Variants in ACSM2B observed in about 807,000 individuals in gnomAD.
ACSM2B encodes acyl-coenzyme A synthetase ACSM2B, mitochondrial.
ACSM2B carries 58 observed loss-of-function variants against 78.6 expected under a neutral mutation model. The observed-to-expected ratio is 0.74, with a 90% confidence interval of 0.60 to 0.92. The LOEUF (loss-of-function observed/expected upper bound fraction) is 0.92. Among genes scored for constraint, ACSM2B ranks in the 40% least tolerant of loss-of-function variants. ACSM2B has a pLI of 0.00. For synonymous variants in ACSM2B, 257 were observed against 256.8 expected, an observed-to-expected ratio of 1.00 and a Z score of -0.01; for missense variants, 688 against 711.2, an observed-to-expected ratio of 0.97 and a Z score of 0.37.
rs759263122 is a variant in ACSM2B, at chr16:20,543,091, G to C, written c.1409+44C>G. The C allele has an allele frequency of 5.6e-6, 9 of 1,613,608 alleles. No individual in the cohort carries two copies. The East Asian group carries it at 8.9e-5, about 16-fold the overall frequency. ...TTCCGGAAGTCTGGAACCAGCCAGA[G>C]TAAAGACCCAGATTTCCCTTCCCAA... On this transcript the variant is annotated intron_variant, in intron 11 of 13. Transcript: ENST00000329697.
intron 2 of ACSM2B, among the ~76,000 whole-genome samples, chr16:20,563,138 A>G (rs1240373426): frequency 5.3e-5 from 8 of 152,170 alleles, no homozygotes; most frequent in Non-Finnish European, 1.0e-4. Context: ...TGTGATAATT[A>G]AACTAATTTT....
rs139877098 is a variant in ACSM2B, at chr16:20,556,508, A to T, written c.389-1032T>A. ...TCCCAGCTACTCAGGAGGCTGACGC[A>T]GGAGGATTGCTTGAACCTGGGAGGC... On this transcript the variant is annotated intron_variant, in intron 3 of 13. Coordinates refer to ENST00000329697, the MANE Select transcript of ACSM2B (RefSeq NM_001105069.2). Among the ~76,000 whole-genome samples the T allele has an allele frequency of 9.5e-3, 1,443 of 152,332 alleles. 14 individuals are homozygous for T. Among genetic ancestry groups the T allele is most frequent in the South Asian group, 0.019 (90 of 4,826 alleles).
Position 20,540,723 on chromosome 16 carries a change from T to C in ACSM2B, c.1560A>G (p.Pro520=). 4 of 1,614,144 alleles carry C rather than the reference T, an allele frequency of 2.5e-6. No homozygotes were observed. The highest frequency in any genetic ancestry group is 3.4e-6 in the Non-Finnish European group (4 of 1,180,006). ...GCTGCAGCTCCTTGGTGAGCTGTTC[T>C]GGGTCATGGGATAGGAACTGCGAGG... ...ILASQFLSHD[P]EQLTKELQQH... The change falls in exon 13 of 14, where the codon CCA becomes CCG. Residue 520 remains proline, a synonymous_variant. Transcript: ENST00000329697.
intron 1 of ACSM2B, among the ~76,000 whole-genome samples, chr16:20,565,296 A>G (rs1038971971): frequency 9.9e-5 from 15 of 152,158 alleles, no homozygotes; most frequent in African/African-American, 3.1e-4. Context: ...CTCAAGAGAT[A>G]TGCTTTGGTC....
At chr16:20,567,419 T>C (rs1266113416) in intron 1 of ACSM2B, among the ~76,000 whole-genome samples, 1 of 118,890 alleles carries the variant, frequency 8.4e-6, no homozygotes, top group Non-Finnish European at 1.6e-5. Flanking sequence ...TAATATATAA[T>C]ATAGTATATT....
chr16:20,547,991 G>T (rs1287158860), intron 8 of ACSM2B, 71 bp downstream of exon 8: 22 of 1,598,026 alleles, frequency 1.4e-5, no homozygotes, highest in Admixed American at 1.2e-4. Context: ...TGGCTAACAT[G>T]TTTTATTGTC....
chr16:20,570,690 CT>C (rs1255017444), intron 1 of ACSM2B, among the ~76,000 whole-genome samples: 1 of 151,112 alleles, frequency 6.6e-6, no homozygotes. Flanking sequence ...CTGGTCATGG[CT>C]TTTTTGTTGT....
At chr16:20,553,072 C>G (rs2015368497) in intron 5 of ACSM2B, among the ~76,000 whole-genome samples, 1 of 152,150 alleles carries the variant, frequency 6.6e-6, no homozygotes, top group Non-Finnish European at 1.5e-5. Flanking sequence ...TTTACTGCAG[C>G]TCTTCTATTG....
chr16:20,572,857 A>T (rs1255026988), intron 1 of ACSM2B, among the ~76,000 whole-genome samples: 5 of 151,634 alleles, frequency 3.3e-5, no homozygotes, highest in African/African-American at 1.2e-4. Context: ...CTGCTTGTTC[A>T]ATTCTATTGT....
chr16:20,561,902 C>T (rs1421686484), intron 2 of ACSM2B, among the ~76,000 whole-genome samples: 7 of 127,310 alleles, frequency 5.5e-5, no homozygotes, highest in African/African-American at 2.1e-4. Context: ...TGTGATGTTC[C>T]CCTTCCTGTG....
chr16:20,542,789 G>A (rs2015032361), intron 12 of ACSM2B, 125 bp downstream of exon 12: 1 of 1,276,622 alleles, frequency 7.8e-7, no homozygotes, highest in Non-Finnish European at 1.1e-6. Context: ...CACATAGCTA[G>A]TAAGTGGCAG....
chr16:20,561,740 T>A (rs1235722763), intron 2 of ACSM2B, among the ~76,000 whole-genome samples: 1 of 151,920 alleles, frequency 6.6e-6, no homozygotes, highest in Non-Finnish European at 1.5e-5. Flanking sequence ...ATACTTTAAG[T>A]TTCAGGGTAC....
chr16:20,560,497 T>A (rs1244120486), intron 2 of ACSM2B, among the ~76,000 whole-genome samples: 1 of 152,056 alleles, frequency 6.6e-6, no homozygotes, highest in African/African-American at 2.4e-5. Context: ...CCAACATTAT[T>A]GTAAATTTCT....
chr16:20,537,306 T>G lies in ACSM2B; in HGVS notation c.1686A>C (p.Lys562Asn). The G allele has an allele frequency of 6.2e-7, 1 of 1,613,948 alleles. No homozygotes were observed. Among genetic ancestry groups the G allele is most frequent in the Non-Finnish European group, 8.5e-7 (1 of 1,179,888 alleles). The change falls in exon 14 of 14, where the codon AAA (lysine) becomes AAC (asparagine). Residue 562 changes from lysine (K) to asparagine (N), a missense_variant. Lys to Asn is a moderately conservative substitution (Grantham distance 94). Transcript: ENST00000329697. ...ACATCTTCCACTCCTTGTCTCGAAG[T>G]TTGGTTCGTTGAATTTTCCCTGTGA... ...KTVTGKIQRT[K>N]LRDKEWKMSG...
rs2015576633 is a variant in ACSM2B, at chr16:20,559,425, G to A, written c.200C>T (p.Pro67Leu). 7 of 1,612,938 alleles carry A rather than the reference G, an allele frequency of 4.3e-6. No individual in the cohort carries two copies. The highest frequency in any genetic ancestry group is 2.7e-5 in the African/African-American group (2 of 74,752). ...MEKAGKRLPS[P>L]ALWWVNGKGK... ...CTTCCCATTCACCCACCACAGGGCT[G>A]GGCTTGGGAGTCGCTTGCCAGCCTG... The change falls in exon 3 of 14, where the codon CCA becomes CTA. Residue 67 changes from proline to leucine, a missense_variant. Coordinates refer to ENST00000329697, the MANE Select transcript of ACSM2B (RefSeq NM_001105069.2).
At chr16:20,560,368 C>T (rs1403891303) in intron 2 of ACSM2B, among the ~76,000 whole-genome samples, 1 of 151,862 alleles carries the variant, frequency 6.6e-6, no homozygotes, top group African/African-American at 2.4e-5. Flanking sequence ...GGCTTAGCAC[C>T]ATCCCCTTGG....
chr16:20,560,994 G>A (rs1187486959), intron 2 of ACSM2B, among the ~76,000 whole-genome samples: 1 of 152,064 alleles, frequency 6.6e-6, no homozygotes, highest in African/African-American at 2.4e-5. Flanking sequence ...ATGACTTAGG[G>A]AATCTGACAG....
At chr16:20,563,128 T>C (rs1279369832) in intron 2 of ACSM2B, among the ~76,000 whole-genome samples, 1 of 152,190 alleles carries the variant, frequency 6.6e-6, no homozygotes, top group African/African-American at 2.4e-5. Flanking sequence ...TAAGATGTCT[T>C]GTGATAATTA....
In ACSM2B at chr16:20,546,398, A is replaced by G; in HGVS notation, c.1175T>C (p.Val392Ala). The G allele has an allele frequency of 6.2e-7, 1 of 1,603,772 alleles. No individual in the cohort carries two copies. The highest frequency in any genetic ancestry group is 8.5e-7 in the Non-Finnish European group (1 of 1,174,760). The change falls in exon 9 of 14, where the codon GTA (valine) becomes GCA (alanine). Residue 392 changes from valine to alanine, a missense_variant. Transcript: ENST00000329697. Reference protein sequence around the residue: ...YMGTAASCYDVQVIDDKGNVL... With the variant: ...YMGTAASCYDAQVIDDKGNVL... ...TCCTCAGTGTCCCGAGCAAACCTGT[A>G]CATCATAACAGGAAGCAGCCGTTCC...
Sources: allele counts gnomAD v4.1 joint callset (sites outside exome capture counted in the v4.1 genomes callset), GRCh38; gene constraint gnomAD v4.1.1; transcripts MANE v1.5; gene names NCBI Gene and HGNC (gene_info 2026-07-23, HGNC 2026-07-21).